Variants in GPNMB observed in about 807,000 individuals in gnomAD.
GPNMB encodes the protein transmembrane glycoprotein NMB.
GPNMB carries 71 observed loss-of-function variants against 57.3 expected under a neutral mutation model. That is an observed-to-expected ratio of 1.24 (90% CI 1.02 to 1.51). The LOEUF is 1.51. Among genes scored for constraint, GPNMB ranks in the 40% most tolerant of loss-of-function variants. GPNMB has a pLI of 0.00. For missense variants in GPNMB, 677 were observed against 691.9 expected, an observed-to-expected ratio of 0.98 and a Z score of 0.24; for synonymous variants, 253 against 263.2, an observed-to-expected ratio of 0.96 and a Z score of 0.38.
In GPNMB at chr7:23,274,142, AC is replaced by A; in HGVS notation, c.1603del (p.Arg535ValfsTer33). On this transcript the variant is annotated frameshift_variant, in exon 11 of 11. Transcript: ENST00000258733. LOFTEE classifies it low-confidence loss of function (END_TRUNC). ...VRSKGLSVFLNRAKAVFFPGN... is the reference protein window; with the variant it reads ...VRSKGLSVFLXRAKAVFFPGN... Reference sequence around the variant, plus strand: ...AGCAAAGGCCTGAGTGTCTTTCTCAACCGTGCAAAAGCCGTGTTCTTCCCGG... The same window carrying A: ...AGCAAAGGCCTGAGTGTCTTTCTCAACGTGCAAAAGCCGTGTTCTTCCCGG... The A allele has an allele frequency of 1.2e-6, 2 of 1,613,744 alleles. No individual in the cohort carries two copies. The highest frequency in any genetic ancestry group is 8.5e-7 in the Non-Finnish European group (1 of 1,179,628).
At chr7:23,254,077 C>A in intron 2 of GPNMB, 92 bp from the exon 3 acceptor site, 1 of 1,227,180 alleles carries the variant, frequency 8.1e-7, no homozygotes, top group Non-Finnish European at 1.1e-6. Flanking sequence ...CATATGGGTC[C>A]TCTGGTCCTT....
intron 3 of GPNMB, among the ~76,000 whole-genome samples, chr7:23,255,574 G>A (rs1305691951): frequency 6.6e-6 from 1 of 152,138 alleles, no homozygotes. Context: ...TCCCAGCAGT[G>A]AGATTGCTGG....
rs1235705241 is a variant in GPNMB at position 23,266,884 on chromosome 7, TGCA to T, written c.1117+272_1117+274del. Among the ~76,000 whole-genome samples, 10 of 152,234 alleles carry T rather than the reference TGCA, an allele frequency of 6.6e-5. No homozygotes were observed. The East Asian group carries it at 1.9e-3, about 29-fold the overall frequency. On this transcript the variant is annotated intron_variant, in intron 7 of 10. Transcript: ENST00000258733. ...CTGCCCTGGGCCTGTATCCCGCCTC[TGCA>T]GCCCAGCCATCTGAATGGGGTATGT...
chr7:23,253,226 A>C, intron 1 of GPNMB, 81 bp from the exon 2 acceptor site: 1 of 1,219,948 alleles, frequency 8.2e-7, no homozygotes, highest in Admixed American at 2.1e-5. Context: ...GCTTTTCAAC[A>C]GTAAGAAATA....
rs113381969 is a variant in GPNMB at position 23,270,177 on chromosome 7, T to G, written c.1429+2T>G. 9 of 1,611,960 alleles carry G rather than the reference T, an allele frequency of 5.6e-6. No individual in the cohort carries two copies. The South Asian group carries it at 6.6e-5, about 12-fold the overall frequency. ...CCCTGATTTCTGTTCCTGACAGAGGTGAGTTTTGTTTTATGGCCATATGAG... is the reference window on the plus strand; with the variant it reads ...CCCTGATTTCTGTTCCTGACAGAGGGGAGTTTTGTTTTATGGCCATATGAG... On this transcript the variant is annotated splice_donor_variant, in intron 9 of 10. Transcript: ENST00000258733. LOFTEE classifies it high-confidence loss of function.
chr7:23,267,196 C>T (rs1583833991), intron 7 of GPNMB, among the ~76,000 whole-genome samples: 1 of 152,204 alleles, frequency 6.6e-6, no homozygotes. Flanking sequence ...CCTGGGGCTG[C>T]GTCTACCCAG....
In GPNMB at chr7:23,260,115, T is replaced by A. The variant is rs773495296; in HGVS notation, c.677T>A (p.Val226Glu). 11 of 1,613,852 alleles carry A rather than the reference T, an allele frequency of 6.8e-6. No individual in the cohort carries two copies. In the East Asian group the frequency reaches 2.5e-4, roughly 36 times the overall value. The part of the protein sequence containing the change: ...HGRAYVPIAQ[V>E]KDVYVVTDQI... ...CGGGCATATGTTCCCATCGCACAAG[T>A]GAAAGATGTGTACGTGGTAACAGGT... Residue 226 changes from valine (V) to glutamate (E), a missense_variant, in exon 5 of 11, where the codon GTG (valine) becomes GAG (glutamate). Physicochemically the swap from Val to Glu is moderately radical, Grantham distance 121 (BLOSUM62 -2). Coordinates refer to ENST00000258733, the MANE Select transcript of GPNMB (RefSeq NM_002510.3).
In GPNMB at chr7:23,253,568, G is replaced by C. The variant is rs933825438; in HGVS notation, c.223+109G>C. ...GCTCACGTCATTTCCACGAATGACAGTGCTCTCATTACCAAGTGGGGAGGC... is the reference window on the plus strand; with the variant it reads ...GCTCACGTCATTTCCACGAATGACACTGCTCTCATTACCAAGTGGGGAGGC... On this transcript the variant is annotated intron_variant, in intron 2 of 10. Coordinates refer to ENST00000258733, the MANE Select transcript of GPNMB (RefSeq NM_002510.3). The C allele has an allele frequency of 5.5e-6, 5 of 913,124 alleles. No individual in the cohort carries two copies. In the African/African-American group the frequency reaches 8.4e-5, roughly 15 times the overall value. 56.6% of individuals were successfully genotyped at this position (913,124 alleles called of 1,614,324 possible).
chr7:23,274,139 T>C lies in GPNMB; in HGVS notation c.1598T>C (p.Leu533Pro), dbSNP rs1262802982. 1 of 1,613,742 alleles carries C rather than the reference T, an allele frequency of 6.2e-7. No homozygotes were observed. Among genetic ancestry groups the C allele is most frequent in the South Asian group, 1.1e-5 (1 of 91,078 alleles). Residue 533 changes from leucine to proline, a missense_variant, in exon 11 of 11, where the codon CTC (leucine) becomes CCC (proline). Coordinates refer to ENST00000258733, the MANE Select transcript of GPNMB (RefSeq NM_002510.3). ...AGAAGCAAAGGCCTGAGTGTCTTTC[T>C]CAACCGTGCAAAAGCCGTGTTCTTC... ...VVRSKGLSVFLNRAKAVFFPG... is the reference protein window; with the variant it reads ...VVRSKGLSVFPNRAKAVFFPG...
intron 10 of GPNMB, 111 bp downstream of exon 10, chr7:23,273,725 G>A (rs1296295254): frequency 4.2e-6 from 3 of 720,814 alleles, no homozygotes; most frequent in Non-Finnish European, 7.2e-6. Flanking sequence ...ATTTTGTGTA[G>A]GGGAGGAAAA....
intron 1 of GPNMB, among the ~76,000 whole-genome samples, chr7:23,252,249 T>C (rs78165547): frequency 0.034 from 5,108 of 152,326 alleles, 243 homozygotes; most frequent in East Asian, 0.12. Flanking sequence ...ATATTGATCA[T>C]TACATTAAAT....
At chr7:23,252,213 C>T (rs1782676180) in intron 1 of GPNMB, among the ~76,000 whole-genome samples, 1 of 152,126 alleles carries the variant, frequency 6.6e-6, no homozygotes. Flanking sequence ...AAACAAATAA[C>T]AAGGTAGTAC....
chr7:23,255,100 T>C (rs755172080), intron 3 of GPNMB, among the ~76,000 whole-genome samples: 9 of 152,104 alleles, frequency 5.9e-5, no homozygotes, highest in Non-Finnish European at 1.0e-4. Context: ...TTCACTGCAG[T>C]CTTTGCCTCC....
chr7:23,251,786 C>T (rs3779044), intron 1 of GPNMB, among the ~76,000 whole-genome samples: 5,107 of 152,312 alleles, frequency 0.034, 245 homozygotes, highest in East Asian at 0.12. Context: ...TCAGCTCTCA[C>T]TGGCCAGGAT....
chr7:23,254,403 T>C, intron 3 of GPNMB, 91 bp downstream of exon 3: 1 of 1,027,300 alleles, frequency 9.7e-7, no homozygotes, highest in South Asian at 1.5e-5. Flanking sequence ...GATGCTGATC[T>C]CATCCCTTGC....
intron 6 of GPNMB, among the ~76,000 whole-genome samples, chr7:23,261,632 G>C (rs1478353195): frequency 3.3e-5 from 5 of 152,058 alleles, no homozygotes; most frequent in African/African-American, 7.2e-5. Context: ...GGCCTGTCGG[G>C]GGGTAGGGGT....
At chr7:23,272,861 T>TTTTTTTTTTTTTTA in intron 9 of GPNMB, among the ~76,000 whole-genome samples, 1 of 151,590 alleles carries the variant, frequency 6.6e-6, no homozygotes, top group African/African-American at 2.4e-5. Context: ...TTTTTTTTTT[T>TTTTTTTTTTTTTTA]GAGGCAAGGT....
At chr7:23,255,947 C>T (rs1383276911) in intron 3 of GPNMB, among the ~76,000 whole-genome samples, 1 of 151,860 alleles carries the variant, frequency 6.6e-6, no homozygotes, top group Non-Finnish European at 1.5e-5. Context: ...CACTTTGTCA[C>T]CCAGGCTGGA....
chr7:23,270,350 A>T (rs1783172530), intron 9 of GPNMB, among the ~76,000 whole-genome samples, 175 bp downstream of exon 9: 1 of 152,214 alleles, frequency 6.6e-6, no homozygotes, highest in Admixed American at 6.5e-5. Context: ...CAGCAAATCT[A>T]CTTAGGGAAG....
Sources: allele counts gnomAD v4.1 joint callset (sites outside exome capture counted in the v4.1 genomes callset), GRCh38; gene constraint gnomAD v4.1.1; transcripts MANE v1.5; gene names NCBI Gene and HGNC (gene_info 2026-07-23, HGNC 2026-07-21).